Variants in TMEM132B observed in about 807,000 individuals in gnomAD.
TMEM132B encodes the protein transmembrane protein 132B.
In TMEM132B, 18 loss-of-function variants were observed where a neutral mutation model predicts 90.8. The ratio of observed to expected loss-of-function variants is 0.20; its 90% CI spans 0.14 to 0.29. The LOEUF is 0.29. TMEM132B is among the 10% of genes least tolerant of loss of function. The pLI is 1.00. For synonymous variants in TMEM132B, 504 were observed against 523.3 expected (o/e 0.96, Z 0.50); for missense variants, 1,096 against 1,326.8 (o/e 0.83, Z 2.70).
At chr12:125,583,792 C>T in intron 4 of TMEM132B, 59 bp from the exon 5 acceptor site, 1 of 1,593,196 alleles carries the variant, frequency 6.3e-7, no homozygotes, top group South Asian at 1.1e-5. Flanking sequence ...ACACCCCTCT[C>T]CTGCTCGCCC....
chr12:125,539,448 G>T (rs943720267), intron 4 of TMEM132B, among the ~76,000 whole-genome samples: 3 of 152,158 alleles, frequency 2.0e-5, no homozygotes, highest in African/African-American at 7.2e-5. Context: ...GTCTCTCAGT[G>T]ACCCGTTGTG....
intron 2 of TMEM132B, among the ~76,000 whole-genome samples, chr12:125,412,019 ACC>A (rs1419085975): frequency 6.6e-6 from 1 of 151,546 alleles, no homozygotes; most frequent in African/African-American, 2.4e-5. Flanking sequence ...CTGCCACGGC[ACC>A]CCCCGTGCTA....
In TMEM132B at chr12:125,353,118, C is replaced by T. The variant is rs141957941; in HGVS notation, c.959+2775C>T. Among the ~76,000 whole-genome samples the T allele has an allele frequency of 2.1e-3, 327 of 152,308 alleles. 1 individual carries two copies. Among genetic ancestry groups the T allele is most frequent in the African/African-American group, 7.5e-3 (311 of 41,560 alleles). The stretch of plus-strand genomic sequence containing the variant: ...AATGGCCAAGGGATGGCTTCACTGC[C>T]TCTGCCTCTCAGCACTCCCTCTACC... On this transcript the variant is annotated intron_variant, in intron 2 of 8. Coordinates refer to ENST00000682704, the MANE Select transcript of TMEM132B (RefSeq NM_001366854.1).
At chr12:125,433,969 T>A (rs528805079) in intron 3 of TMEM132B, among the ~76,000 whole-genome samples, 9 of 152,334 alleles carry the variant, frequency 5.9e-5, no homozygotes, top group Non-Finnish European at 1.3e-4. Flanking sequence ...TTCCTATTGC[T>A]GACATAACAG....
chr12:125,617,739 C>T (rs1886025028), intron 5 of TMEM132B, among the ~76,000 whole-genome samples: 1 of 152,116 alleles, frequency 6.6e-6, no homozygotes, highest in Admixed American at 6.5e-5. Context: ...GCTTATCCCT[C>T]TATTGTTTCT....
intron 1 of TMEM132B, among the ~76,000 whole-genome samples, chr12:125,201,671 T>G (rs1377751770): frequency 1.3e-5 from 2 of 152,248 alleles, no homozygotes. Flanking sequence ...TTACTTAATG[T>G]CTCTGTGCCA....
At chr12:125,231,511 TTG>T (rs1197593128) in intron 1 of TMEM132B, among the ~76,000 whole-genome samples, 3 of 152,196 alleles carry the variant, frequency 2.0e-5, no homozygotes, top group Non-Finnish European at 4.4e-5. Context: ...TTGAGCATGT[TTG>T]TCTTAATAGA....
chr12:125,515,154 G>T (rs1883079165), intron 3 of TMEM132B, among the ~76,000 whole-genome samples: 1 of 151,994 alleles, frequency 6.6e-6, no homozygotes, highest in Non-Finnish European at 1.5e-5. Context: ...AAACACATAT[G>T]TTCGCACATT....
intron 3 of TMEM132B, among the ~76,000 whole-genome samples, chr12:125,447,594 T>C (rs1224817321): frequency 6.6e-6 from 1 of 152,206 alleles, no homozygotes; most frequent in Non-Finnish European, 1.5e-5. Context: ...ATGTATTTGC[T>C]TCTTTTTTGC....
At chr12:125,643,818 T>A (rs1389709106) in intron 5 of TMEM132B, among the ~76,000 whole-genome samples, 3 of 152,028 alleles carry the variant, frequency 2.0e-5, no homozygotes, top group African/African-American at 7.3e-5. Flanking sequence ...GCAACAGAGG[T>A]TATATAACTC....
chr12:125,300,449 CCT>C (rs945446022), intron 1 of TMEM132B, among the ~76,000 whole-genome samples: 3 of 152,128 alleles, frequency 2.0e-5, no homozygotes, highest in Non-Finnish European at 4.4e-5. Flanking sequence ...CACCTTGGCC[CCT>C]GTGTGTGGCC....
chr12:125,236,610 T>G (rs1208372127), intron 1 of TMEM132B, among the ~76,000 whole-genome samples: 1 of 152,208 alleles, frequency 6.6e-6, no homozygotes, highest in Admixed American at 6.5e-5. Flanking sequence ...CTGTATACGG[T>G]GCTACCTTAG....
At position 125,486,134 on chromosome 12, in the gene TMEM132B, T is replaced by G. The variant is rs148459412; in HGVS notation, c.1107-33305T>G. Among the ~76,000 whole-genome samples the G allele has an allele frequency of 1.6e-3, 246 of 152,310 alleles. 2 individuals carry two copies. Among genetic ancestry groups the G allele is most frequent in the African/African-American group, 5.8e-3 (242 of 41,570 alleles). On this transcript the variant is annotated intron_variant, in intron 3 of 8. Transcript: ENST00000682704. The stretch of plus-strand genomic sequence containing the variant: ...CATTATGCTGCATTCGTCTAAGTCC[T>G]AGACCTGTCCAGTTAAAATAAATGT...
At chr12:125,461,654 T>A (rs1023521119) in intron 3 of TMEM132B, among the ~76,000 whole-genome samples, 4 of 152,236 alleles carry the variant, frequency 2.6e-5, no homozygotes, top group African/African-American at 9.6e-5. Context: ...TTCATTCCAG[T>A]TTGCAAACTT....
intron 3 of TMEM132B, among the ~76,000 whole-genome samples, chr12:125,435,768 G>A (rs1006946349): frequency 6.6e-5 from 10 of 152,160 alleles, no homozygotes; most frequent in African/African-American, 1.9e-4. Context: ...TCAGGGATGA[G>A]CTCACTGTGA....
intron 2 of TMEM132B, among the ~76,000 whole-genome samples, chr12:125,398,050 G>A (rs1879215071): frequency 6.6e-6 from 1 of 152,160 alleles, no homozygotes; most frequent in African/African-American, 2.4e-5. Context: ...CAGTTTGCTT[G>A]GAAAAGATAT....
At chr12:125,262,403 A>T (rs1244768250) in intron 1 of TMEM132B, among the ~76,000 whole-genome samples, 2 of 152,182 alleles carry the variant, frequency 1.3e-5, no homozygotes, top group Non-Finnish European at 2.9e-5. Context: ...ATAAAAAAAA[A>T]TGGACTATTG....
intron 5 of TMEM132B, 102 bp downstream of exon 5, chr12:125,584,096 A>G: frequency 1.3e-6 from 2 of 1,546,746 alleles, no homozygotes; most frequent in Non-Finnish European, 8.9e-7. Context: ...CCCATGCTCT[A>G]AAGGGCTGGA....
intron 1 of TMEM132B, among the ~76,000 whole-genome samples, chr12:125,326,830 A>T: frequency 6.6e-6 from 1 of 151,988 alleles, no homozygotes; most frequent in East Asian, 1.9e-4. Flanking sequence ...TGTCCTGCTC[A>T]CTCATTGTGC....
Sources: gnomAD v4.1 joint callset for allele counts (sites outside exome capture counted in the v4.1 genomes callset) on GRCh38, gnomAD v4.1.1 for gene constraint, MANE v1.5 for transcripts, NCBI Gene and HGNC (gene_info 2026-07-23, HGNC 2026-07-21) for gene names.